HS6ST3: variants seen among roughly 807,000 people sequenced by gnomAD.
The protein encoded by HS6ST3 is heparan-sulfate 6-O-sulfotransferase 3.
A neutral mutation model predicts 36.7 loss-of-function variants in HS6ST3; 12 were observed. The observed-to-expected ratio is 0.33, with a 90% confidence interval of 0.21 to 0.53. The LOEUF (loss-of-function observed/expected upper bound fraction) is 0.53, where lower values mean the gene tolerates loss of function less well. Ranked by LOEUF, HS6ST3 falls within the 20% of genes least tolerant of loss-of-function variation. The pLI is 0.95. For missense variants in HS6ST3, 584 were observed against 640.9 expected, an observed-to-expected ratio of 0.91 and a Z score of 0.96; for synonymous variants, 240 against 257.5, an observed-to-expected ratio of 0.93 and a Z score of 0.65.
intron 1 of HS6ST3, among the ~76,000 whole-genome samples, chr13:96,708,911 C>T (rs772427349): frequency 6.6e-6 from 1 of 152,180 alleles, no homozygotes; most frequent in Non-Finnish European, 1.5e-5. Flanking sequence ...TGCCCCGTTC[C>T]TAAACGTTGT....
chr13:96,289,530 A>G (rs2054819370), intron 1 of HS6ST3, among the ~76,000 whole-genome samples: 1 of 152,208 alleles, frequency 6.6e-6, no homozygotes, highest in Admixed American at 6.5e-5. Flanking sequence ...GGCAATCAAA[A>G]TAAATGGTTA....
intron 1 of HS6ST3, among the ~76,000 whole-genome samples, chr13:96,137,677 C>T (rs1418202241): frequency 1.3e-5 from 2 of 152,114 alleles, no homozygotes; most frequent in South Asian, 4.1e-4. Flanking sequence ...ATGATCCACC[C>T]ACGTTGGCCT....
chr13:96,700,308 C>T (rs913815524), intron 1 of HS6ST3, among the ~76,000 whole-genome samples: 10 of 152,156 alleles, frequency 6.6e-5, no homozygotes, highest in Non-Finnish European at 1.3e-4. Context: ...ACTATCACAT[C>T]TCGTGAGACT....
intron 1 of HS6ST3, among the ~76,000 whole-genome samples, chr13:96,213,895 T>C (rs184143480): frequency 5.3e-5 from 8 of 152,348 alleles, no homozygotes; most frequent in African/African-American, 1.9e-4. Flanking sequence ...CCTTGGCTAA[T>C]GGAGTTCTTT....
intron 1 of HS6ST3, among the ~76,000 whole-genome samples, chr13:96,457,819 A>G (rs8001839): frequency 0.3 from 45,780 of 152,078 alleles, 7,191 homozygotes; most frequent in South Asian, 0.46. Flanking sequence ...TAAGATATAA[A>G]TTGCATGTAG....
chr13:96,170,374 G>A lies in HS6ST3; in HGVS notation c.707+78805G>A, dbSNP rs150862734. On this transcript the variant is annotated intron_variant, in intron 1 of 1. Transcript: ENST00000376705. ...TAGGATTCGAATCTGGGCTGCTGCC[G>A]CCAATGGAAGAGAAAACTTTAAATA... is the stretch of plus-strand genomic sequence containing the variant. Among the ~76,000 whole-genome samples the A allele has an allele frequency of 3.4e-4, 52 of 152,292 alleles. No individual in the cohort carries two copies. The East Asian group carries it at 5.6e-3, about 16-fold the overall frequency.
At chr13:96,125,942 C>G (rs893512179) in intron 1 of HS6ST3, among the ~76,000 whole-genome samples, 1 of 152,154 alleles carries the variant, frequency 6.6e-6, no homozygotes, top group East Asian at 1.9e-4. Context: ...CCCCCTACCC[C>G]ACAACAGTCC....
chr13:96,143,654 A>C (rs1213232496), intron 1 of HS6ST3, among the ~76,000 whole-genome samples: 1 of 152,074 alleles, frequency 6.6e-6, no homozygotes, highest in Admixed American at 6.5e-5. Context: ...AGACTGTCCT[A>C]ATTAAAAATG....
chr13:96,163,446 G>A (rs1301728570), intron 1 of HS6ST3, among the ~76,000 whole-genome samples: 1 of 151,832 alleles, frequency 6.6e-6, no homozygotes, highest in Non-Finnish European at 1.5e-5. Context: ...AGCTAGCATG[G>A]TCTCGATCTC....
chr13:96,333,322 G>A (rs553504190), intron 1 of HS6ST3, among the ~76,000 whole-genome samples: 2 of 152,336 alleles, frequency 1.3e-5, no homozygotes, highest in African/African-American at 4.8e-5. Flanking sequence ...AATTCACAGT[G>A]TAGATGTAGA....
At chr13:96,358,793 C>T (rs73550684) in intron 1 of HS6ST3, among the ~76,000 whole-genome samples, 3,662 of 151,930 alleles carry the variant, frequency 0.024, 50 homozygotes, top group East Asian at 0.055. Flanking sequence ...TCTTCAAAGA[C>T]GCATGCTGAA....
intron 1 of HS6ST3, among the ~76,000 whole-genome samples, chr13:96,796,823 T>G (rs1416352767): frequency 6.6e-6 from 1 of 152,104 alleles, no homozygotes; most frequent in Non-Finnish European, 1.5e-5. Flanking sequence ...GTGTTATTAC[T>G]TGTCTATGAG....
chr13:96,830,178 G>T (rs180789524), intron 1 of HS6ST3, among the ~76,000 whole-genome samples: 8 of 152,078 alleles, frequency 5.3e-5, no homozygotes, highest in Non-Finnish European at 1.2e-4. Flanking sequence ...TTCCAAGCAC[G>T]TTTAAGTTTG....
At chr13:96,215,169 G>A (rs2054418508) in intron 1 of HS6ST3, among the ~76,000 whole-genome samples, 1 of 152,202 alleles carries the variant, frequency 6.6e-6, no homozygotes, top group Non-Finnish European at 1.5e-5. Context: ...TGTTATAACA[G>A]CAGCTTCAAA....
chr13:96,756,528 T>C (rs1191640867), intron 1 of HS6ST3, among the ~76,000 whole-genome samples: 1 of 152,220 alleles, frequency 6.6e-6, no homozygotes, highest in Non-Finnish European at 1.5e-5. Flanking sequence ...AGCTTGTTAA[T>C]TTCTACCAAA....
intron 1 of HS6ST3, among the ~76,000 whole-genome samples, chr13:96,614,576 T>C (rs756905550): frequency 6.6e-6 from 1 of 152,194 alleles, no homozygotes; most frequent in African/African-American, 2.4e-5. Context: ...TGAATCTTTG[T>C]ATGAGTTGAT....
At chr13:96,381,517 C>T (rs1000630188) in intron 1 of HS6ST3, among the ~76,000 whole-genome samples, 1 of 152,034 alleles carries the variant, frequency 6.6e-6, no homozygotes, top group African/African-American at 2.4e-5. Context: ...ATCTGGTTGC[C>T]TAGCTTCTCT....
chr13:96,734,113 T>G (rs1320056080), intron 1 of HS6ST3, among the ~76,000 whole-genome samples: 1 of 152,232 alleles, frequency 6.6e-6, no homozygotes, highest in Non-Finnish European at 1.5e-5. Context: ...TATTTACTTA[T>G]AAGCTGGCCA....
chr13:96,698,033 T>TTTTATTTA (rs201654616), intron 1 of HS6ST3, among the ~76,000 whole-genome samples: 1 of 152,160 alleles, frequency 6.6e-6, no homozygotes, highest in African/African-American at 2.4e-5. Context: ...ATACTTTTAT[T>TTTTATTTA]TTTATTTATT....
Sources: allele counts gnomAD v4.1 joint callset (sites outside exome capture counted in the v4.1 genomes callset), GRCh38; gene constraint gnomAD v4.1.1; transcripts MANE v1.5; gene names NCBI Gene and HGNC (gene_info 2026-07-23, HGNC 2026-07-21).